Variants in THSD7B observed in about 807,000 individuals in gnomAD.
The protein encoded by THSD7B is thrombospondin type 1 domain containing 7B.
Under a neutral mutation model 213.6 loss-of-function variants are expected in THSD7B, and 138 were observed. That is an observed-to-expected ratio of 0.65 (90% CI 0.56 to 0.74). The LOEUF (loss-of-function observed/expected upper bound fraction) is 0.74, where lower values mean the gene tolerates loss of function less well. Ranked by LOEUF, THSD7B falls within the 30% of genes least tolerant of loss-of-function variation. THSD7B has a pLI of 0.00. For missense variants in THSD7B, 1,931 were observed against 1,991.5 expected, an observed-to-expected ratio of 0.97 and a Z score of 0.58; for synonymous variants, 742 against 687.0, an observed-to-expected ratio of 1.08 and a Z score of -1.25.
At chr2:137,651,964 C>T (rs888162962) in intron 21 of THSD7B, among the ~76,000 whole-genome samples, 4 of 151,826 alleles carry the variant, frequency 2.6e-5, no homozygotes, top group African/African-American at 9.7e-5. Flanking sequence ...CTTGCTTTGT[C>T]GCCGAAGATA....
intron 12 of THSD7B, among the ~76,000 whole-genome samples, chr2:137,359,572 C>T (rs746500502): frequency 1.1e-4 from 16 of 152,044 alleles, no homozygotes; most frequent in Non-Finnish European, 1.5e-4. Context: ...ATAGAGATGA[C>T]GGGATGCTAC....
chr2:137,290,131 A>G (rs77188948), intron 12 of THSD7B, among the ~76,000 whole-genome samples: 2 of 114,756 alleles, frequency 1.7e-5, no homozygotes, highest in South Asian at 5.3e-4. Flanking sequence ...TTTTTTTTTT[A>G]GATGGAGTCT....
chr2:137,309,592 G>T (rs1683841492), intron 12 of THSD7B, among the ~76,000 whole-genome samples: 1 of 151,966 alleles, frequency 6.6e-6, no homozygotes, highest in African/African-American at 2.4e-5. Flanking sequence ...TGTCATGCTG[G>T]TGCGCTGCAC....
intron 2 of THSD7B, among the ~76,000 whole-genome samples, chr2:136,946,648 G>A (rs940201682): frequency 1.3e-5 from 2 of 152,172 alleles, no homozygotes; most frequent in Non-Finnish European, 2.9e-5. Context: ...CCCAGTTCGA[G>A]CTTCCCGGCT....
chr2:136,964,900 C>T (rs1404172383), intron 2 of THSD7B, among the ~76,000 whole-genome samples: 1 of 151,038 alleles, frequency 6.6e-6, no homozygotes, highest in African/African-American at 2.4e-5. Flanking sequence ...ACTCAGGAAG[C>T]TGAGGCAGAA....
intron 5 of THSD7B, among the ~76,000 whole-genome samples, chr2:137,151,698 C>G (rs1255031683): frequency 6.6e-6 from 1 of 152,036 alleles, no homozygotes; most frequent in African/African-American, 2.4e-5. Context: ...TATTTATTAT[C>G]AAGTATTATA....
intron 7 of THSD7B, among the ~76,000 whole-genome samples, chr2:137,185,355 A>G (rs1376307925): frequency 6.6e-6 from 1 of 152,112 alleles, no homozygotes; most frequent in Admixed American, 6.6e-5. Context: ...CCATCACCCA[A>G]GAAATGAGCA....
In THSD7B at chr2:137,077,285, T is replaced by C. The variant is rs1275255394; in HGVS notation, c.951-17588T>C. ...ATTGTGAATAGTGCCGCAATAAACA[T>C]ACTTGTGCATGTGTCTTTATAGCAG... On this transcript the variant is annotated intron_variant, in intron 3 of 27. Transcript: ENST00000409968. 3.3e-5 allele frequency among the ~76,000 whole-genome samples: 5 copies of C among 152,184 alleles called. No homozygotes were observed. The East Asian group carries it at 9.6e-4, about 29-fold the overall frequency.
At position 137,304,335 on chromosome 2, in the gene THSD7B, T is replaced by C. The variant is rs1683688767; in HGVS notation, c.2500+28309T>C. On this transcript the variant is annotated intron_variant, in intron 12 of 27. Coordinates refer to ENST00000409968, the MANE Select transcript of THSD7B (RefSeq NM_001316349.2). ...AATATCTATCAAGCAATGACTGTGG[T>C]AGGCATAATTTTGAGAAGTAGAGAT... Among the ~76,000 whole-genome samples the C allele has an allele frequency of 2.6e-5, 4 of 152,272 alleles. 1 individual carries two copies. In the South Asian group the frequency reaches 8.4e-4, roughly 32 times the overall value.
In THSD7B at chr2:137,563,245, A is replaced by T; in HGVS notation, c.3163A>T (p.Ser1055Cys). Reference protein sequence around the residue: ...NQVHEAVPCYSECNQYSWVVE... With the variant: ...NQVHEAVPCYCECNQYSWVVE... ...GGTACATGAGGCAGTCCCATGTTAC[A>T]GTGAGTGCAATCAGTATTCCTGGGT... Residue 1055 changes from serine to cysteine, a missense_variant, in exon 16 of 28, where the codon AGT becomes TGT. Transcript: ENST00000409968. 6.2e-7 allele frequency: 1 copy of T among 1,613,264 alleles called. No homozygotes were observed. Among genetic ancestry groups the T allele is most frequent in the East Asian group, 2.2e-5 (1 of 44,886 alleles).
intron 12 of THSD7B, among the ~76,000 whole-genome samples, chr2:137,347,484 C>A (rs904867759): frequency 4.0e-5 from 6 of 150,998 alleles, no homozygotes; most frequent in African/African-American, 1.2e-4. Flanking sequence ...AGTGATGGTA[C>A]CAAGCACTGG....
At chr2:137,175,034 A>G (rs1680332974) in intron 7 of THSD7B, among the ~76,000 whole-genome samples, 1 of 152,216 alleles carries the variant, frequency 6.6e-6, no homozygotes, top group African/African-American at 2.4e-5. Context: ...ATCAAAGTTT[A>G]CCACCAAGTG....
intron 20 of THSD7B, among the ~76,000 whole-genome samples, chr2:137,638,402 G>A (rs527477586): frequency 7.2e-5 from 11 of 152,224 alleles, no homozygotes; most frequent in East Asian, 1.9e-4. Context: ...CATGTAAGAA[G>A]TGCCTTTCAC....
intron 15 of THSD7B, among the ~76,000 whole-genome samples, chr2:137,558,437 A>C (rs1463402961): frequency 1.3e-5 from 2 of 152,360 alleles, no homozygotes; most frequent in East Asian, 3.9e-4. Context: ...ATAATCCAGC[A>C]TATAAACAGA....
In THSD7B at chr2:136,843,088, ATTT is replaced by A. The variant is rs58411751; in HGVS notation, c.-35-39040_-35-39038del. ...CTGTTCACTCGTATCGAGTGGTTTC[ATTT>A]TTTTTTTTTTTTTTTGCTTCCTTCC... On this transcript the variant is annotated intron_variant, in intron 1 of 27. Transcript: ENST00000409968. Among the ~76,000 whole-genome samples, 444 of 128,474 alleles carry A rather than the reference ATTT, an allele frequency of 3.5e-3. 1 individual carries two copies. Among genetic ancestry groups the A allele is most frequent in the African/African-American group, 8.8e-3 (302 of 34,400 alleles). 84.3% of individuals were successfully genotyped at this position (128,474 alleles called of 152,430 possible).
intron 5 of THSD7B, among the ~76,000 whole-genome samples, chr2:137,125,161 A>T (rs11687722): frequency 0.031 from 4,748 of 152,248 alleles, 114 homozygotes; most frequent in Admixed American, 0.058. Flanking sequence ...AGTCTTCTCC[A>T]CTGCTCCAAA....
chr2:137,350,961 T>C (rs1278772548), intron 12 of THSD7B, among the ~76,000 whole-genome samples: 1 of 151,866 alleles, frequency 6.6e-6, no homozygotes, highest in African/African-American at 2.4e-5. Context: ...AGTTGAACTC[T>C]GGATATGTCA....
chr2:137,379,357 A>T (rs2104961481), intron 12 of THSD7B, among the ~76,000 whole-genome samples: 1 of 152,276 alleles, frequency 6.6e-6, no homozygotes, highest in Admixed American at 6.5e-5. Flanking sequence ...CAATTAAAGC[A>T]CCCTAACAAG....
chr2:136,875,513 A>C (rs1683513386), intron 1 of THSD7B, among the ~76,000 whole-genome samples: 1 of 152,212 alleles, frequency 6.6e-6, no homozygotes, highest in Non-Finnish European at 1.5e-5. Flanking sequence ...AAAAGTCCAA[A>C]ATTGAGATTC....
Sources: allele counts gnomAD v4.1 joint callset (sites outside exome capture counted in the v4.1 genomes callset), GRCh38; gene constraint gnomAD v4.1.1; transcripts MANE v1.5; gene names NCBI Gene and HGNC (gene_info 2026-07-23, HGNC 2026-07-21).